Variants in BCL2L1 observed in about 807,000 individuals in gnomAD.
BCL2L1 encodes the protein bcl-2-like protein 1.
Under a neutral mutation model 18.7 loss-of-function variants are expected in BCL2L1, and 1 was observed. That is an observed-to-expected ratio of 0.05 (90% confidence interval 0.02 to 0.25). BCL2L1 has a LOEUF of 0.25. BCL2L1 is among the 10% of genes least tolerant of loss of function. The probability of loss-of-function intolerance (pLI) is 1.00; values close to 1 mark genes in which losing one functional copy is unlikely to be tolerated. For missense variants in BCL2L1, 207 were observed against 304.9 expected (o/e 0.68, Z 2.39); for synonymous variants, 103 against 122.7 (o/e 0.84, Z 1.06).
At chr20:31,717,316 G>A (rs918244199) in intron 2 of BCL2L1, among the ~76,000 whole-genome samples, 1 of 152,158 alleles carries the variant, frequency 6.6e-6, no homozygotes, top group African/African-American at 2.4e-5. Flanking sequence ...AACAACTGCT[G>A]TTTCATGCAG....
In BCL2L1 at chr20:31,697,892, G is replaced by GTT. The variant is rs199575410; in HGVS notation, c.564+23761_564+23762dup. Among the ~76,000 whole-genome samples, 13 of 129,638 alleles carry GTT rather than the reference G, an allele frequency of 1.0e-4. 1 individual carries two copies. The highest frequency in any genetic ancestry group is 6.4e-4 in the East Asian group (3 of 4,702). 85.0% of individuals were successfully genotyped at this position (129,638 alleles called of 152,430 possible). On this transcript the variant is annotated intron_variant, in intron 2 of 2. Coordinates refer to ENST00000307677, the MANE Select transcript of BCL2L1 (RefSeq NM_138578.3). ...AGAATCCTCAGCATGTGCTGTTGCT[G>GTT]TTTTTTTTTTTTTGAGACGGAGTCT... is the stretch of plus-strand genomic sequence containing the variant.
intron 2 of BCL2L1, chr20:31,686,308 T>C (rs1027129367): frequency 6.6e-6 from 1 of 152,210 alleles, no homozygotes; most frequent in African/African-American, 2.4e-5. Flanking sequence ...CCTGTGTTCT[T>C]CCCAGTAGAG....
intron 2 of BCL2L1, among the ~76,000 whole-genome samples, chr20:31,712,237 G>T (rs1479414555): frequency 3.3e-5 from 5 of 152,206 alleles, no homozygotes; most frequent in Non-Finnish European, 7.3e-5. Flanking sequence ...CTGGACGAGG[G>T]AACACAGTGG....
intron 2 of BCL2L1, among the ~76,000 whole-genome samples, chr20:31,713,113 G>A (rs1007901315): frequency 3.9e-5 from 6 of 152,108 alleles, no homozygotes; most frequent in Non-Finnish European, 5.9e-5. Flanking sequence ...ACAGGGCACC[G>A]CAAGCAACAG....
At chr20:31,673,422 T>C (rs964841828) in intron 2 of BCL2L1, among the ~76,000 whole-genome samples, 1 of 151,400 alleles carries the variant, frequency 6.6e-6, no homozygotes, top group Non-Finnish European at 1.5e-5. Context: ...GGCAGGAGGA[T>C]TGCTTGAGCC....
At chr20:31,669,476 G>A (rs1262207373) in intron 2 of BCL2L1, among the ~76,000 whole-genome samples, 1 of 142,400 alleles carries the variant, frequency 7.0e-6, no homozygotes, top group African/African-American at 2.7e-5. Flanking sequence ...TTTTTTAGAC[G>A]AAGACTTGCT....
chr20:31,713,348 G>C (rs960739689), intron 2 of BCL2L1: 11 of 985,282 alleles, frequency 1.1e-5, no homozygotes, highest in Non-Finnish European at 1.1e-5. Context: ...AGCAAAGAAA[G>C]TAATGGACAA....
chr20:31,707,778 C>CAAA (rs553742099), intron 2 of BCL2L1, among the ~76,000 whole-genome samples: 1 of 60,900 alleles, frequency 1.6e-5, no homozygotes, highest in Non-Finnish European at 3.3e-5. Flanking sequence ...AACTCTGTCT[C>CAAA]AAAAAAAAAA....
intron 2 of BCL2L1, among the ~76,000 whole-genome samples, chr20:31,691,606 C>T (rs1219072441): frequency 6.6e-6 from 1 of 151,878 alleles, no homozygotes; most frequent in African/African-American, 2.4e-5. Flanking sequence ...ACAAATTAAT[C>T]CCAGCTACTC....
At chr20:31,718,655 CAAAAA>C (rs969020819) in intron 2 of BCL2L1, among the ~76,000 whole-genome samples, 1 of 66,100 alleles carries the variant, frequency 1.5e-5, no homozygotes, top group African/African-American at 6.3e-5. Flanking sequence ...GACTCCGTCT[CAAAAA>C]AAAAAAAAAA....
intron 2 of BCL2L1, among the ~76,000 whole-genome samples, chr20:31,708,177 G>T (rs2061399466): frequency 6.6e-6 from 1 of 152,198 alleles, no homozygotes; most frequent in Admixed American, 6.5e-5. Flanking sequence ...GACCCTCAAG[G>T]GAAGAAGTTT....
chr20:31,712,322 T>C (rs1274425014), intron 2 of BCL2L1, among the ~76,000 whole-genome samples: 2 of 152,160 alleles, frequency 1.3e-5, no homozygotes, highest in East Asian at 1.9e-4. Flanking sequence ...TTTGCATAAA[T>C]TGCTTAACCT....
chr20:31,689,318 T>A (rs1165127584), intron 2 of BCL2L1, among the ~76,000 whole-genome samples: 2 of 79,484 alleles, frequency 2.5e-5, no homozygotes, highest in Admixed American at 2.5e-4. Context: ...CTGGGTGCAG[T>A]GGCTTATGCC....
Position 31,722,278 on chromosome 20 carries a change from G to A in BCL2L1, c.-60C>T, listed in dbSNP as rs1417411878. On this transcript the variant is annotated 5_prime_UTR_variant, in exon 2 of 3. Coordinates refer to ENST00000307677, the MANE Select transcript of BCL2L1 (RefSeq NM_138578.3). ...TCCAAAACACCTGCTCACTCACTGA[G>A]TCTCGTCTCTGGTTAGTGATTCTCT... 2 of 1,245,532 alleles carry A rather than the reference G, an allele frequency of 1.6e-6. No homozygotes were observed. The highest frequency in any genetic ancestry group is 2.2e-6 in the Non-Finnish European group (2 of 929,882). 77.2% of individuals were successfully genotyped at this position (1,245,532 alleles called of 1,614,324 possible).
intron 2 of BCL2L1, 159 bp downstream of exon 2, chr20:31,721,496 G>C (rs1454743163): frequency 1.2e-5 from 10 of 838,072 alleles, no homozygotes; most frequent in Non-Finnish European, 1.8e-5. Flanking sequence ...TTTCCAAGGA[G>C]TTAACCTCTT....
chr20:31,709,834 C>A (rs1395422670), intron 2 of BCL2L1, among the ~76,000 whole-genome samples: 1 of 101,966 alleles, frequency 9.8e-6, no homozygotes. Context: ...GAGCAAGACT[C>A]CATCTCAAAA....
chr20:31,683,606 TA>T (rs1242941364), intron 2 of BCL2L1, among the ~76,000 whole-genome samples: 1 of 151,532 alleles, frequency 6.6e-6, no homozygotes, highest in Admixed American at 6.6e-5. Context: ...CCGTCTCTAC[TA>T]AAAATACAAA....
intron 2 of BCL2L1, among the ~76,000 whole-genome samples, chr20:31,714,704 T>C (rs2061501541): frequency 6.6e-6 from 1 of 152,216 alleles, no homozygotes. Context: ...ACAGAAATAC[T>C]GTTGGAGTGG....
At chr20:31,687,565 T>TGAG (rs1461939122) in intron 2 of BCL2L1, among the ~76,000 whole-genome samples, 1 of 150,058 alleles carries the variant, frequency 6.7e-6, no homozygotes, top group African/African-American at 2.5e-5. Context: ...TAATCCCAGC[T>TGAG]ACTCAGGAGG....
Sources: allele counts gnomAD v4.1 joint callset (sites outside exome capture counted in the v4.1 genomes callset), GRCh38; gene constraint gnomAD v4.1.1; transcripts MANE v1.5; gene names NCBI Gene and HGNC (gene_info 2026-07-23, HGNC 2026-07-21).